L3MBTL3: variants seen among roughly 807,000 people sequenced by gnomAD.
L3MBTL3 encodes the protein L3MBTL histone methyl-lysine binding protein 3.
A neutral mutation model predicts 102.3 loss-of-function variants in L3MBTL3; 27 were observed. The observed-to-expected ratio is 0.26, with a 90% CI of 0.19 to 0.36. L3MBTL3 has a LOEUF of 0.36. Among genes scored for constraint, L3MBTL3 ranks in the 10% least tolerant of loss-of-function variants. The pLI is 1.00. For missense variants in L3MBTL3, 798 were observed against 955.3 expected, an observed-to-expected ratio of 0.84 and a Z score of 2.17; for synonymous variants, 340 against 320.9, an observed-to-expected ratio of 1.06 and a Z score of -0.64.
intron 16 of L3MBTL3, among the ~76,000 whole-genome samples, chr6:130,090,737 C>A (rs57356110): frequency 0.016 from 2,385 of 152,034 alleles, 58 homozygotes; most frequent in African/African-American, 0.054. Context: ...GCTGGGACTA[C>A]ACTTAGCTTT....
chr6:130,039,578 C>T (rs1334463917), intron 2 of L3MBTL3, among the ~76,000 whole-genome samples: 1 of 147,694 alleles, frequency 6.8e-6, no homozygotes, highest in Non-Finnish European at 1.5e-5. Context: ...GTTGAAAGCT[C>T]AAAGAGGTAT....
chr6:130,085,432 T>C (rs2115145589), intron 15 of L3MBTL3, among the ~76,000 whole-genome samples: 1 of 152,320 alleles, frequency 6.6e-6, no homozygotes, highest in South Asian at 2.1e-4. Flanking sequence ...ATTGTTCCTC[T>C]CTCTATTTAA....
intron 14 of L3MBTL3, among the ~76,000 whole-genome samples, chr6:130,082,936 T>C (rs6569651): frequency 0.4 from 60,178 of 152,038 alleles, 13,811 homozygotes; most frequent in African/African-American, 0.64. Flanking sequence ...ACATTATCTC[T>C]GATATATTTG....
intron 20 of L3MBTL3, among the ~76,000 whole-genome samples, chr6:130,132,400 G>A (rs965302683): frequency 5.9e-5 from 9 of 152,206 alleles, no homozygotes; most frequent in Non-Finnish European, 1.3e-4. Context: ...CAGGGTGTTG[G>A]TTACATGGGT....
intron 2 of L3MBTL3, among the ~76,000 whole-genome samples, chr6:130,025,709 T>G (rs934023265): frequency 1.3e-5 from 2 of 152,148 alleles, no homozygotes; most frequent in African/African-American, 4.8e-5. Flanking sequence ...GATATGTATA[T>G]TATATGTAAC....
intron 20 of L3MBTL3, among the ~76,000 whole-genome samples, chr6:130,123,091 G>T (rs1046069524): frequency 6.6e-6 from 1 of 152,078 alleles, no homozygotes; most frequent in Non-Finnish European, 1.5e-5. Context: ...TTTTAACTCA[G>T]TGTTTATTTA....
At chr6:130,049,715 TA>T (rs761845617) in intron 4 of L3MBTL3, 40 bp from the exon 5 acceptor site, 1 of 1,613,070 alleles carries the variant, frequency 6.2e-7, no homozygotes, top group Non-Finnish European at 8.5e-7. Context: ...TGGTTGTAAC[TA>T]ACACCTATAT....
chr6:130,021,412 A>G (rs777130345), intron 1 of L3MBTL3, among the ~76,000 whole-genome samples: 6 of 152,124 alleles, frequency 3.9e-5, no homozygotes, highest in Non-Finnish European at 8.8e-5. Context: ...GAGGACTCAG[A>G]CCCTGTAACT....
intron 10 of L3MBTL3, among the ~76,000 whole-genome samples, chr6:130,064,391 A>G (rs1040393801): frequency 6.6e-6 from 1 of 152,028 alleles, no homozygotes; most frequent in Non-Finnish European, 1.5e-5. Context: ...TTGGATTTTT[A>G]AATTTAATAC....
chr6:130,044,245 G>A (rs890593641), intron 3 of L3MBTL3, among the ~76,000 whole-genome samples: 1 of 152,082 alleles, frequency 6.6e-6, no homozygotes, highest in African/African-American at 2.4e-5. Context: ...TATGTGATAA[G>A]GTGGTTTTGA....
intron 3 of L3MBTL3, among the ~76,000 whole-genome samples, chr6:130,044,460 A>G (rs1242008928): frequency 6.6e-6 from 1 of 152,146 alleles, no homozygotes; most frequent in Non-Finnish European, 1.5e-5. Flanking sequence ...GCTTTTAACA[A>G]TAGAGTGAAG....
intron 13 of L3MBTL3, among the ~76,000 whole-genome samples, chr6:130,075,571 AT>A (rs1428807158): frequency 6.6e-6 from 1 of 152,204 alleles, no homozygotes; most frequent in South Asian, 2.1e-4. Context: ...ACAGAAACTG[AT>A]TTGCAAAAGG....
chr6:130,024,537 G>T (rs530631670), intron 2 of L3MBTL3, among the ~76,000 whole-genome samples: 1 of 152,230 alleles, frequency 6.6e-6, no homozygotes, highest in South Asian at 2.1e-4. Context: ...ATTTTGACTG[G>T]GTTGGTAGTT....
chr6:130,106,655 T>C (rs770698098), intron 19 of L3MBTL3, among the ~76,000 whole-genome samples: 1 of 152,152 alleles, frequency 6.6e-6, no homozygotes, highest in Non-Finnish European at 1.5e-5. Context: ...TTGATTACCA[T>C]TGAGGTATGC....
chr6:130,139,585 C>G (rs1449844277), intron 22 of L3MBTL3, 25 bp from the exon 23 acceptor site: 1 of 1,604,236 alleles, frequency 6.2e-7, no homozygotes, highest in Non-Finnish European at 8.5e-7. Flanking sequence ...AATCCACATT[C>G]TGTTGTTTTT....
intron 18 of L3MBTL3, among the ~76,000 whole-genome samples, chr6:130,101,112 T>G (rs1784660532): frequency 6.6e-6 from 1 of 152,194 alleles, no homozygotes; most frequent in Admixed American, 6.5e-5. Flanking sequence ...CTTAAGTAGA[T>G]AAATTTGCAA....
intron 15 of L3MBTL3, among the ~76,000 whole-genome samples, chr6:130,084,531 CTA>C (rs1783557679): frequency 6.6e-6 from 1 of 151,978 alleles, no homozygotes; most frequent in African/African-American, 2.4e-5. Flanking sequence ...CGAAGAGAAA[CTA>C]TATCAAAAAA....
intron 20 of L3MBTL3, among the ~76,000 whole-genome samples, chr6:130,125,336 C>T (rs1294844839): frequency 6.6e-6 from 1 of 152,182 alleles, no homozygotes; most frequent in Non-Finnish European, 1.5e-5. Flanking sequence ...TGATTTCCTA[C>T]ATTGGCTTGT....
intron 9 of L3MBTL3, among the ~76,000 whole-genome samples, chr6:130,059,717 A>G (rs1781767059): frequency 6.6e-6 from 1 of 152,116 alleles, no homozygotes. Context: ...GTGTTGTCAA[A>G]CTTTTTGATC....
Sources: allele counts gnomAD v4.1 joint callset (sites outside exome capture counted in the v4.1 genomes callset), GRCh38; gene constraint gnomAD v4.1.1; transcripts MANE v1.5; gene names NCBI Gene and HGNC (gene_info 2026-07-23, HGNC 2026-07-21).